ADK: variants seen among roughly 807,000 people sequenced by gnomAD.
ADK encodes the protein N6,N6-dimethyladenosine kinase.
Under a neutral mutation model 44.7 loss-of-function variants are expected in ADK, and 24 were observed. The ratio of observed to expected loss-of-function variants is 0.54; its 90% CI spans 0.39 to 0.76. ADK has a LOEUF of 0.76. Ranked by LOEUF, ADK falls within the 30% of genes least tolerant of loss-of-function variation. The pLI, the probability that ADK is intolerant of heterozygous loss-of-function variation, is 0.00. For synonymous variants in ADK, 128 were observed against 142.6 expected (o/e 0.90, Z 0.73); for missense variants, 321 against 425.1 (o/e 0.76, Z 2.15).
chr10:74,607,719 T>C (rs1852379222), intron 9 of ADK, among the ~76,000 whole-genome samples: 1 of 152,184 alleles, frequency 6.6e-6, no homozygotes. Context: ...TTGGGGTTGC[T>C]CTTCTCAAGG....
intron 1 of ADK, among the ~76,000 whole-genome samples, chr10:74,160,690 GGTGTGT>G (rs779393232): frequency 1.1e-4 from 15 of 136,316 alleles, no homozygotes; most frequent in East Asian, 6.3e-4. Flanking sequence ...TGCAGGTAGG[GGTGTGT>G]GTGTGTGTGT....
chr10:74,323,408 G>A (rs1403016015), intron 4 of ADK, among the ~76,000 whole-genome samples: 9 of 152,012 alleles, frequency 5.9e-5, no homozygotes, highest in African/African-American at 1.9e-4. Context: ...ACTTACGTTC[G>A]AATTAATACA....
chr10:74,655,262 C>T, intron 9 of ADK: 1 of 453,906 alleles, frequency 2.2e-6, no homozygotes, highest in South Asian at 2.0e-5. Context: ...CAGAAGTGAT[C>T]CAGTCTCACT....
chr10:74,583,436 G>A (rs1025055168), intron 7 of ADK, among the ~76,000 whole-genome samples: 7 of 152,226 alleles, frequency 4.6e-5, no homozygotes, highest in African/African-American at 1.4e-4. Flanking sequence ...AATATCTCCC[G>A]GTTAATCTGT....
intron 3 of ADK, among the ~76,000 whole-genome samples, chr10:74,294,833 G>A (rs1025371357): frequency 7.2e-5 from 11 of 151,980 alleles, no homozygotes; most frequent in Non-Finnish European, 2.9e-5. Flanking sequence ...TTTCTATTGG[G>A]TGTTTAAGAA....
intron 1 of ADK, among the ~76,000 whole-genome samples, chr10:74,200,156 GTTTTTTTT>G (rs760622376): frequency 1.0e-5 from 1 of 99,274 alleles, no homozygotes; most frequent in African/African-American, 4.2e-5. Flanking sequence ...GACACCATCT[GTTTTTTTT>G]TTTTTTTTTT....
intron 7 of ADK, among the ~76,000 whole-genome samples, chr10:74,558,625 G>A (rs924534873): frequency 6.6e-6 from 1 of 152,192 alleles, no homozygotes; most frequent in East Asian, 1.9e-4. Context: ...GTGGAACTAT[G>A]AGTCAACTAA....
intron 4 of ADK, among the ~76,000 whole-genome samples, chr10:74,367,263 A>G (rs943478710): frequency 1.3e-5 from 2 of 152,208 alleles, no homozygotes; most frequent in African/African-American, 4.8e-5. Flanking sequence ...AATGGTTTAT[A>G]TCTAAAATGA....
chr10:74,644,312 T>G (rs1348424508), intron 9 of ADK, among the ~76,000 whole-genome samples: 1 of 152,198 alleles, frequency 6.6e-6, no homozygotes, highest in Non-Finnish European at 1.5e-5. Context: ...GTACAGTTCT[T>G]ATGAACAGAT....
intron 9 of ADK, among the ~76,000 whole-genome samples, chr10:74,614,626 T>C (rs990080056): frequency 2.0e-5 from 3 of 152,162 alleles, no homozygotes; most frequent in Non-Finnish European, 2.9e-5. Context: ...GTTTTTGAAA[T>C]GGAACCACTC....
chr10:74,331,223 T>C (rs1189673962), intron 4 of ADK, among the ~76,000 whole-genome samples: 1 of 152,194 alleles, frequency 6.6e-6, no homozygotes, highest in African/African-American at 2.4e-5. Flanking sequence ...ATGCCTAAAA[T>C]TTAATTTTAT....
chr10:74,633,062 A>T (rs1324723981), intron 9 of ADK, among the ~76,000 whole-genome samples: 1 of 152,180 alleles, frequency 6.6e-6, no homozygotes, highest in East Asian at 1.9e-4. Context: ...TTGATTTAGT[A>T]TTTTAATTTT....
At chr10:74,677,096 T>C (rs1037485728) in intron 10 of ADK, among the ~76,000 whole-genome samples, 1 of 151,926 alleles carries the variant, frequency 6.6e-6, no homozygotes, top group Non-Finnish European at 1.5e-5. Flanking sequence ...AATAAAAAAA[T>C]TAGCTGGGCA....
chr10:74,454,700 A>G (rs1487215125), intron 6 of ADK, among the ~76,000 whole-genome samples: 2 of 152,240 alleles, frequency 1.3e-5, no homozygotes, highest in African/African-American at 4.8e-5. Context: ...TTTACATGAC[A>G]TGGGAGCCTT....
intron 10 of ADK, among the ~76,000 whole-genome samples, chr10:74,688,918 A>G (rs1855885272): frequency 6.6e-6 from 1 of 151,914 alleles, no homozygotes. Flanking sequence ...ATCCAGAAAC[A>G]GAGAGACTGA....
chr10:74,348,163 C>G (rs1841840104), intron 4 of ADK, among the ~76,000 whole-genome samples: 2 of 152,316 alleles, frequency 1.3e-5, no homozygotes, highest in South Asian at 4.1e-4. Context: ...CAGGGGCCAA[C>G]AGACACCTCA....
chr10:74,390,626 A>G (rs1433630944), intron 4 of ADK, among the ~76,000 whole-genome samples: 1 of 152,134 alleles, frequency 6.6e-6, no homozygotes, highest in African/African-American at 2.4e-5. Flanking sequence ...AAGATTCCAG[A>G]TGTCACAGTT....
chr10:74,249,994 T>C (rs1381442168), intron 3 of ADK, among the ~76,000 whole-genome samples: 1 of 152,232 alleles, frequency 6.6e-6, no homozygotes, highest in East Asian at 1.9e-4. Flanking sequence ...TAAGTATTTT[T>C]AGTAATATGT....
chr10:74,634,217 T>A (rs915005714), intron 9 of ADK, among the ~76,000 whole-genome samples: 3 of 152,250 alleles, frequency 2.0e-5, no homozygotes, highest in African/African-American at 4.8e-5. Flanking sequence ...ATTTATTTTT[T>A]TTTTTTGAGA....
Sources: gnomAD v4.1 joint callset for allele counts (sites outside exome capture counted in the v4.1 genomes callset) on GRCh38, gnomAD v4.1.1 for gene constraint, MANE v1.5 for transcripts, NCBI Gene and HGNC (gene_info 2026-07-23, HGNC 2026-07-21) for gene names.